The following AMOTL1 variants were observed in gnomAD, a reference collection of about 807,000 sequenced individuals.
AMOTL1 encodes the protein angiomotin like 1, also known as angiomotin-like protein 1.
Under a neutral mutation model 102.9 loss-of-function variants are expected in AMOTL1, and 45 were observed. The observed-to-expected ratio is 0.44, with a 90% CI of 0.34 to 0.56. AMOTL1 has a LOEUF of 0.56. Among genes scored for constraint, AMOTL1 ranks in the 20% least tolerant of loss-of-function variants. AMOTL1 has a pLI of 0.01. For synonymous variants in AMOTL1, 481 were observed against 484.7 expected (o/e 0.99, Z 0.10); for missense variants, 1,114 against 1,225.6 (o/e 0.91, Z 1.36).
Position 94,873,768 on chromosome 11 carries a change from C to T in AMOTL1, c.*2973C>T, listed in dbSNP as rs73520328. On this transcript the variant is annotated 3_prime_UTR_variant, in exon 13 of 13. Transcript: ENST00000433060. ...TGCCTGTCTGTGATGTGTGTGTGCA[C>T]GTGTAACTACACACACACACACACA... is the stretch of plus-strand genomic sequence containing the variant. 8,958 of 145,910 alleles carry T rather than the reference C, an allele frequency of 0.061. 466 individuals carry two copies. The highest frequency in any genetic ancestry group is 0.14 in the African/African-American group (5,636 of 39,046). 9.0% of individuals were successfully genotyped at this position (145,910 alleles called of 1,614,324 possible).
At chr11:94,846,481 A>C (rs1490428927) in intron 6 of AMOTL1, among the ~76,000 whole-genome samples, 1 of 152,218 alleles carries the variant, frequency 6.6e-6, no homozygotes, top group Non-Finnish European at 1.5e-5. Context: ...TTTGTTTACT[A>C]CCTCAGTCAC....
At position 94,787,558 on chromosome 11, in the gene AMOTL1, C is replaced by T. The variant is rs557848529; in HGVS notation, c.50-7453C>T. The stretch of plus-strand genomic sequence containing the variant: ...CAAAAATTAGCCGGGCATGGTGGCG[C>T]GCGCCTGTAGTCCCAGCTACACGGG... On this transcript the variant is annotated intron_variant, in intron 1 of 12. Coordinates refer to ENST00000433060, the MANE Select transcript of AMOTL1 (RefSeq NM_130847.3). Among the ~76,000 whole-genome samples the T allele has an allele frequency of 1.3e-4, 19 of 151,312 alleles. No individual in the cohort carries two copies. The Middle Eastern group carries it at 0.01, about 81-fold the overall frequency.
chr11:94,750,598 C>G (rs146654321), intron 3 of AMOTL1, among the ~76,000 whole-genome samples: 2 of 152,322 alleles, frequency 1.3e-5, no homozygotes, highest in East Asian at 3.9e-4. Context: ...AGGGGCGTCC[C>G]TATCCCCTGC....
chr11:94,876,205 T>C lies in AMOTL1; in HGVS notation c.*5410T>C, dbSNP rs1953091744. The C allele has an allele frequency of 6.5e-6, 1 of 152,694 alleles. No individual in the cohort carries two copies. The highest frequency in any genetic ancestry group is 1.5e-5 in the Non-Finnish European group (1 of 68,044). 9.5% of individuals were successfully genotyped at this position (152,694 alleles called of 1,614,324 possible). A position where few individuals can be genotyped will look rare whatever the true frequency, so the allele number is the denominator to read the frequency against. ...TAAGCAAATATATCCACATTGGTTT[T>C]ATTTGAATCAAGGTGTTTTTTTGTT... is the stretch of plus-strand genomic sequence containing the variant. On this transcript the variant is annotated 3_prime_UTR_variant, in exon 13 of 13. Coordinates refer to ENST00000433060, the MANE Select transcript of AMOTL1 (RefSeq NM_130847.3).
intron 6 of AMOTL1, among the ~76,000 whole-genome samples, chr11:94,837,409 C>T (rs921129283): frequency 5.9e-5 from 9 of 152,334 alleles, no homozygotes; most frequent in African/African-American, 2.2e-4. Context: ...TCTATTTTGG[C>T]ATGCACCTTC....
chr11:94,796,409 T>C (rs890382487), intron 2 of AMOTL1, among the ~76,000 whole-genome samples: 7 of 152,152 alleles, frequency 4.6e-5, no homozygotes, highest in African/African-American at 1.7e-4. Context: ...TTCAAGGCAC[T>C]GGGGAGGCAA....
chr11:94,796,066 A>G (rs16921007), intron 2 of AMOTL1, among the ~76,000 whole-genome samples: 4,729 of 152,262 alleles, frequency 0.031, 189 homozygotes, highest in African/African-American at 0.095. Context: ...ATATTTGGCA[A>G]TTCATGTTGT....
chr11:94,784,543 G>A (rs1224664690), intron 1 of AMOTL1, among the ~76,000 whole-genome samples: 4 of 152,088 alleles, frequency 2.6e-5, no homozygotes, highest in African/African-American at 9.7e-5. Context: ...TAAATTATAG[G>A]AAGTATTCTT....
chr11:94,857,136 A>G (rs557739976), intron 8 of AMOTL1, among the ~76,000 whole-genome samples: 24 of 152,178 alleles, frequency 1.6e-4, no homozygotes, highest in Non-Finnish European at 3.5e-4. Context: ...CTGAGCCTCA[A>G]CTTCCTTGTC....
At position 94,813,476 on chromosome 11, in the gene AMOTL1, A is replaced by G. The variant is rs192502180; in HGVS notation, c.1122-8054A>G. Among the ~76,000 whole-genome samples, 147 of 152,300 alleles carry G rather than the reference A, an allele frequency of 9.7e-4. 2 individuals are homozygous for G. The highest frequency in any genetic ancestry group is 3.4e-3 in the African/African-American group (140 of 41,556). ...GTAAAGAACTGGAGAGCTCAGTGCA[A>G]TTCTTTATTCCATAAGTGACTTCAC... On this transcript the variant is annotated intron_variant, in intron 3 of 12. Coordinates refer to ENST00000433060, the MANE Select transcript of AMOTL1 (RefSeq NM_130847.3).
rs1242538000 is a variant in AMOTL1, at chr11:94,875,378, TGTGTATAA to T, written c.*4587_*4594del. On this transcript the variant is annotated 3_prime_UTR_variant, in exon 13 of 13. Transcript: ENST00000433060. ...AGTAATTTAATGGTATATAAAGACA[TGTGTATAA>T]GTGAGTGCATACATATGAGGTATGA... The T allele has an allele frequency of 3.3e-5, 5 of 152,134 alleles. No homozygotes were observed. The highest frequency in any genetic ancestry group is 1.2e-4 in the African/African-American group (5 of 41,418). 9.4% of individuals were successfully genotyped at this position (152,134 alleles called of 1,614,324 possible). A position where few individuals can be genotyped will look rare whatever the true frequency, so the allele number is the denominator to read the frequency against.
At chr11:94,720,327 G>A (rs139184800) in intron 1 of AMOTL1, among the ~76,000 whole-genome samples, 10 of 152,080 alleles carry the variant, frequency 6.6e-5, no homozygotes, top group Non-Finnish European at 1.5e-5. Context: ...TACAGGAATC[G>A]CATGGAAAAC....
chr11:94,860,345 A>C lies in AMOTL1; in HGVS notation c.2135+630A>C, dbSNP rs145621673. ...ATGGAGATCTGCCTGGCTTGAAAAC[A>C]TTTCATTTAGTTTGAAATTCTTTTC... is the stretch of plus-strand genomic sequence containing the variant. On this transcript the variant is annotated intron_variant, in intron 9 of 12. Coordinates refer to ENST00000433060, the MANE Select transcript of AMOTL1 (RefSeq NM_130847.3). 2.9e-3 allele frequency among the ~76,000 whole-genome samples: 448 copies of C among 152,306 alleles called. 9 individuals are homozygous for C. In the East Asian group the frequency reaches 0.053, roughly 18 times the overall value.
At chr11:94,822,021 C>T (rs925179668) in intron 4 of AMOTL1, among the ~76,000 whole-genome samples, 200 bp downstream of exon 4, 1 of 152,186 alleles carries the variant, frequency 6.6e-6, no homozygotes, top group African/African-American at 2.4e-5. Flanking sequence ...GAGAGAGTTG[C>T]ATATGCTACC....
chr11:94,848,808 T>C (rs1345298088), intron 6 of AMOTL1, among the ~76,000 whole-genome samples: 1 of 152,220 alleles, frequency 6.6e-6, no homozygotes, highest in East Asian at 1.9e-4. Context: ...TAAAACCACA[T>C]TTTTCTGCCC....
In AMOTL1 at chr11:94,859,673, G is replaced by A. The variant is rs1952735445; in HGVS notation, c.2093G>A (p.Arg698Gln). Residue 698 changes from arginine to glutamine, a missense_variant, in exon 9 of 13, where the codon CGA (arginine) becomes CAA (glutamine). Coordinates refer to ENST00000433060, the MANE Select transcript of AMOTL1 (RefSeq NM_130847.3). ...EQKYLEESTI[R>Q]HFAMNAAATA... ...AAGTACCTGGAGGAGAGCACCATCCGACACTTTGCCATGAATGCCGCAGCC... is the reference window on the plus strand; with the variant it reads ...AAGTACCTGGAGGAGAGCACCATCCAACACTTTGCCATGAATGCCGCAGCC... 1.9e-6 allele frequency: 3 copies of A among 1,612,454 alleles called. No homozygotes were observed. The highest frequency in any genetic ancestry group is 4.5e-5 in the East Asian group (2 of 44,810).
At chr11:94,733,842 G>A (rs981786879) in intron 2 of AMOTL1, among the ~76,000 whole-genome samples, 1 of 152,140 alleles carries the variant, frequency 6.6e-6, no homozygotes, top group Non-Finnish European at 1.5e-5. Context: ...TTTCTTGTAT[G>A]TATTTTTGGA....
intron 3 of AMOTL1, among the ~76,000 whole-genome samples, chr11:94,817,320 A>G (rs1055144202): frequency 4.6e-5 from 7 of 151,976 alleles, no homozygotes; most frequent in African/African-American, 1.7e-4. Context: ...TAAACTTTTT[A>G]TATTTGACAC....
chr11:94,771,167 A>G (rs1375453676), intron 1 of AMOTL1, among the ~76,000 whole-genome samples: 1 of 151,688 alleles, frequency 6.6e-6, no homozygotes, highest in African/African-American at 2.4e-5. Context: ...AATAAATTAA[A>G]AAGAAGTAAC....
Sources: allele counts gnomAD v4.1 joint callset (sites outside exome capture counted in the v4.1 genomes callset), GRCh38; gene constraint gnomAD v4.1.1; transcripts MANE v1.5; gene names NCBI Gene and HGNC (gene_info 2026-07-23, HGNC 2026-07-21).